HIPK2: variants seen among roughly 807,000 people sequenced by gnomAD.
The protein encoded by HIPK2 is homeodomain interacting protein kinase 2.
A neutral mutation model predicts 113.7 loss-of-function variants in HIPK2; 27 were observed. That is an observed-to-expected ratio of 0.24 (90% confidence interval 0.17 to 0.33). The LOEUF (loss-of-function observed/expected upper bound fraction) is 0.33. HIPK2 is among the 10% of genes least tolerant of loss of function. The probability of loss-of-function intolerance (pLI) is 1.00; values close to 1 mark genes in which losing one functional copy is unlikely to be tolerated. For missense variants in HIPK2, 1,257 were observed against 1,588.0 expected (o/e 0.79, Z 3.54); for synonymous variants, 631 against 642.2 (o/e 0.98, Z 0.26).
chr7:139,735,209 T>C (rs551583053), intron 1 of HIPK2, among the ~76,000 whole-genome samples: 13 of 152,332 alleles, frequency 8.5e-5, no homozygotes, highest in South Asian at 2.1e-4. Flanking sequence ...TAGAAGTACA[T>C]GACGACTTAA....
chr7:139,629,301 A>G (rs10247623), intron 4 of HIPK2, among the ~76,000 whole-genome samples: 27,892 of 152,134 alleles, frequency 0.18, 3,613 homozygotes, highest in African/African-American at 0.37. Context: ...CAGGCTGATC[A>G]AGGTATGCCA....
intron 12 of HIPK2, among the ~76,000 whole-genome samples, chr7:139,586,107 T>C (rs1165717422): frequency 6.6e-6 from 1 of 152,196 alleles, no homozygotes; most frequent in Non-Finnish European, 1.5e-5. Context: ...ATCGTACAGA[T>C]GATAATTGTT....
chr7:139,668,126 CAAA>C (rs35566561), intron 2 of HIPK2, among the ~76,000 whole-genome samples: 7 of 55,632 alleles, frequency 1.3e-4, no homozygotes, highest in Admixed American at 1.9e-4. Flanking sequence ...AACTCCATCT[CAAA>C]AAAAAAAAAA....
chr7:139,685,858 G>A (rs947288216), intron 2 of HIPK2, among the ~76,000 whole-genome samples: 4 of 152,208 alleles, frequency 2.6e-5, no homozygotes, highest in Non-Finnish European at 5.9e-5. Context: ...GATCTCTGAT[G>A]GAGATGTACA....
chr7:139,639,586 G>T (rs1800933721), intron 2 of HIPK2, among the ~76,000 whole-genome samples: 1 of 152,184 alleles, frequency 6.6e-6, no homozygotes, highest in South Asian at 2.1e-4. Flanking sequence ...GAAATTGGAG[G>T]AGGAGAGAGA....
intron 2 of HIPK2, among the ~76,000 whole-genome samples, chr7:139,657,091 G>C (rs939037868): frequency 6.6e-6 from 1 of 152,180 alleles, no homozygotes; most frequent in East Asian, 1.9e-4. Context: ...GGCTGGTCTC[G>C]AACTCCTGAC....
intron 2 of HIPK2, among the ~76,000 whole-genome samples, chr7:139,682,957 G>C (rs1475973677): frequency 1.3e-5 from 2 of 152,218 alleles, no homozygotes; most frequent in Non-Finnish European, 2.9e-5. Flanking sequence ...AAGTGGGGTG[G>C]AGCAAGAGAG....
intron 2 of HIPK2, among the ~76,000 whole-genome samples, chr7:139,643,381 TACAC>T (rs61058916): frequency 0.017 from 2,514 of 148,292 alleles, 25 homozygotes; most frequent in African/African-American, 0.026. Context: ...ATGTACTAAA[TACAC>T]ACACACACAC....
intron 2 of HIPK2, among the ~76,000 whole-genome samples, chr7:139,645,632 G>A (rs779264247): frequency 3.3e-5 from 5 of 152,156 alleles, no homozygotes; most frequent in East Asian, 1.9e-4. Context: ...TACAGGATGC[G>A]GCCTGACTCT....
intron 2 of HIPK2, among the ~76,000 whole-genome samples, chr7:139,656,087 T>A (rs575145189): frequency 1.3e-5 from 2 of 152,244 alleles, no homozygotes; most frequent in Admixed American, 1.3e-4. Flanking sequence ...ATTTCTCCCA[T>A]CATTCTTCTC....
intron 2 of HIPK2, among the ~76,000 whole-genome samples, chr7:139,693,671 T>C (rs1385632192): frequency 2.0e-5 from 3 of 151,704 alleles, no homozygotes; most frequent in African/African-American, 7.3e-5. Flanking sequence ...CTCTACTCTA[T>C]ATCAGAAGGT....
intron 2 of HIPK2, among the ~76,000 whole-genome samples, chr7:139,697,218 A>T (rs1794592021): frequency 6.6e-6 from 1 of 152,166 alleles, no homozygotes; most frequent in African/African-American, 2.4e-5. Flanking sequence ...TGTTCTTCAG[A>T]TAACACCACC....
At chr7:139,688,376 T>G (rs1222750485) in intron 2 of HIPK2, among the ~76,000 whole-genome samples, 4 of 152,208 alleles carry the variant, frequency 2.6e-5, no homozygotes, top group Non-Finnish European at 5.9e-5. Flanking sequence ...GATTGTCAAG[T>G]AAATGATAAC....
At chr7:139,733,684 A>T (rs1795857270) in intron 1 of HIPK2, among the ~76,000 whole-genome samples, 1 of 152,236 alleles carries the variant, frequency 6.6e-6, no homozygotes, top group South Asian at 2.1e-4. Flanking sequence ...TTTCTTCTGT[A>T]TCCTAATACG....
chr7:139,659,481 C>A (rs1175846118), intron 2 of HIPK2, among the ~76,000 whole-genome samples: 1 of 152,212 alleles, frequency 6.6e-6, no homozygotes, highest in Non-Finnish European at 1.5e-5. Flanking sequence ...GCACAGACCC[C>A]CGGCTGCAGC....
At chr7:139,704,464 AC>A (rs1775946309) in intron 2 of HIPK2, among the ~76,000 whole-genome samples, 2 of 142,028 alleles carry the variant, frequency 1.4e-5, no homozygotes, top group African/African-American at 5.3e-5. Flanking sequence ...CATACCACAC[AC>A]ACACCCAACA....
chr7:139,581,096 G>A (rs760713301), intron 13 of HIPK2, among the ~76,000 whole-genome samples: 28 of 152,050 alleles, frequency 1.8e-4, no homozygotes, highest in Non-Finnish European at 3.7e-4. Flanking sequence ...GGTGCATGCC[G>A]GTAGTCCCAG....
At chr7:139,577,144 T>C (rs1798519252) in intron 13 of HIPK2, among the ~76,000 whole-genome samples, 1 of 129,136 alleles carries the variant, frequency 7.7e-6, no homozygotes, top group Non-Finnish European at 1.7e-5. Context: ...GGCTTCCTTT[T>C]TTTTTTTTTT....
intron 1 of HIPK2, 28 bp from the exon 2 acceptor site, chr7:139,717,043 G>A: frequency 1.3e-6 from 2 of 1,587,768 alleles, no homozygotes; most frequent in Non-Finnish European, 1.7e-6. Context: ...CGAAAAGTAA[G>A]TATCGGAGTC....
Sources: gnomAD v4.1 joint callset for allele counts (sites outside exome capture counted in the v4.1 genomes callset) on GRCh38, gnomAD v4.1.1 for gene constraint, MANE v1.5 for transcripts, NCBI Gene and HGNC (gene_info 2026-07-23, HGNC 2026-07-21) for gene names.